The following DKK1 variants were observed in gnomAD, a reference collection of about 807,000 sequenced individuals.
DKK1 encodes the protein dickkopf Wnt signaling pathway inhibitor 1.
In DKK1, 18 loss-of-function variants were observed where a neutral mutation model predicts 26.0. The ratio of observed to expected loss-of-function variants is 0.69; its 90% CI spans 0.48 to 1.03. The LOEUF (loss-of-function observed/expected upper bound fraction) is 1.03, where lower values mean the gene tolerates loss of function less well. Among genes scored for constraint, DKK1 ranks in the 50% least tolerant of loss-of-function variants. The pLI is 0.00. For synonymous variants in DKK1, 130 were observed against 132.6 expected, an observed-to-expected ratio of 0.98 and a Z score of 0.13; for missense variants, 335 against 348.5, an observed-to-expected ratio of 0.96 and a Z score of 0.31.
chr10:52,314,976 T>C lies in DKK1; in HGVS notation c.297T>C (p.Ser99=). 1 of 1,602,042 alleles carries C rather than the reference T, an allele frequency of 6.2e-7. No homozygotes were observed. Among genetic ancestry groups the C allele is most frequent in the Non-Finnish European group, 8.5e-7 (1 of 1,171,954 alleles). The part of the protein sequence containing the change: ...EECGTDEYCA[S]PTRGGDAGVQ... ...GCGGCACTGATGAGTACTGCGCTAG[T>C]CCCACCCGCGGAGGGGACGCAGGCG... Residue 99 remains serine, a synonymous_variant, in exon 2 of 4, where the codon AGT becomes AGC. Coordinates refer to ENST00000373970, the MANE Select transcript of DKK1 (RefSeq NM_012242.4). This position sits in a 1 kb window ranked among gnomAD's most constrained non-coding sequence, Gnocchi z 5.7.
chr10:52,314,375 C>T lies in DKK1; in HGVS notation c.-60C>T. 6.2e-7 allele frequency: 1 copy of T among 1,600,430 alleles called. No homozygotes were observed. ...CCGAACCGGCACGGTTTCGTGGGGA[C>T]CCAGGCTTGCAAAGTGACGGTCATT... On this transcript the variant is annotated 5_prime_UTR_variant, in exon 1 of 4. Transcript: ENST00000373970. This position sits in a 1 kb window ranked among gnomAD's most constrained non-coding sequence, Gnocchi z 5.7.
intron 2 of DKK1, among the ~76,000 whole-genome samples, chr10:52,315,706 T>G (rs1156652866): frequency 1.3e-5 from 2 of 152,142 alleles, no homozygotes; most frequent in East Asian, 3.9e-4. Context: ...TCCACTAACT[T>G]TTAATTTTTC....
chr10:52,315,202 T>A, intron 2 of DKK1, 117 bp downstream of exon 2: 1 of 951,960 alleles, frequency 1.1e-6, no homozygotes, highest in Non-Finnish European at 1.4e-6. Flanking sequence ...CTGAGAACAC[T>A]GCGGCGCCAC....
Position 52,314,642 on chromosome 10 carries a change from G to A in DKK1, c.208G>A (p.Gly70Ser). ...VSAAPGILYP[G>S]GNKYQTIDNY... ...CGCCGCGCCGGGAATCCTGTACCCG[G>A]GCGGGAATAAGTACCAGACCATTGA... Residue 70 changes from glycine (G) to serine (S), a missense_variant, in exon 1 of 4, where the codon GGC becomes AGC. Physicochemically the swap from Gly to Ser is moderately conservative, Grantham distance 56 (BLOSUM62 0). Coordinates refer to ENST00000373970, the MANE Select transcript of DKK1 (RefSeq NM_012242.4). The surrounding 1 kb of genome is among the most constrained non-coding windows in gnomAD (Gnocchi z 5.7). 6.2e-7 allele frequency: 1 copy of A among 1,613,266 alleles called. No individual in the cohort carries two copies. The highest frequency in any genetic ancestry group is 1.1e-5 in the South Asian group (1 of 91,050).
At chr10:52,316,063 T>C (rs550071698) in intron 2 of DKK1, among the ~76,000 whole-genome samples, 1 of 152,354 alleles carries the variant, frequency 6.6e-6, no homozygotes, top group African/African-American at 2.4e-5. Flanking sequence ...TTTAAATGGC[T>C]ATACTGGGGA....
In DKK1 at chr10:52,316,950, A is replaced by G. The variant is rs1842623571; in HGVS notation, c.*143A>G. 26 of 890,742 alleles carry G rather than the reference A, an allele frequency of 2.9e-5. No homozygotes were observed. The South Asian group carries it at 4.0e-4, about 14-fold the overall frequency. 55.2% of individuals were successfully genotyped at this position (890,742 alleles called of 1,614,324 possible). A position where few individuals can be genotyped will look rare whatever the true frequency, so the allele number is the denominator to read the frequency against. ...CCAATAACACCTTCCAAAAACCTGG[A>G]GTGTAAGAGCTTTGTTTCTTTATGG... On this transcript the variant is annotated 3_prime_UTR_variant, in exon 4 of 4. Transcript: ENST00000373970.
rs1035038836 is a variant in DKK1 at position 52,316,904 on chromosome 10, C to T, written c.*97C>T. 11 of 1,423,338 alleles carry T rather than the reference C, an allele frequency of 7.7e-6. No homozygotes were observed. The highest frequency in any genetic ancestry group is 7.2e-5 in the African/African-American group (5 of 69,358). 88.2% of individuals were successfully genotyped at this position (1,423,338 alleles called of 1,614,324 possible). On this transcript the variant is annotated 3_prime_UTR_variant, in exon 4 of 4. Coordinates refer to ENST00000373970, the MANE Select transcript of DKK1 (RefSeq NM_012242.4). ...ACTCAATCCTAAGGATATACAAGTTCTGTGGTTTCAGTTAAGCATTCCAAT... is the reference window on the plus strand; with the variant it reads ...ACTCAATCCTAAGGATATACAAGTTTTGTGGTTTCAGTTAAGCATTCCAAT...
intron 2 of DKK1, 120 bp downstream of exon 2, chr10:52,315,205 G>T (rs1842605414): frequency 1.1e-6 from 1 of 931,756 alleles, no homozygotes; most frequent in Non-Finnish European, 1.5e-6. Flanking sequence ...AGAACACTGC[G>T]GCGCCACCTG....
Position 52,314,739 on chromosome 10 carries a change from G to T in DKK1, c.243+62G>T. 1 of 1,586,378 alleles carries T rather than the reference G, an allele frequency of 6.3e-7. No individual in the cohort carries two copies. Among genetic ancestry groups the T allele is most frequent in the South Asian group, 1.2e-5 (1 of 86,750 alleles). On this transcript the variant is annotated intron_variant, in intron 1 of 3. Transcript: ENST00000373970. The surrounding 1 kb of genome is among the most constrained non-coding windows in gnomAD (Gnocchi z 5.7). The stretch of plus-strand genomic sequence containing the variant: ...TTGAAAGGGTCCTATCTGGAGACGA[G>T]GGAGTAGAACGTGCTGAATGTGTGC...
rs116111098 is a variant in DKK1, at chr10:52,316,551, T to C, written c.548-3T>C. 5.0e-3 allele frequency: 7,998 copies of C among 1,613,770 alleles called. 199 individuals carry two copies. In the South Asian group the frequency reaches 0.05, roughly 10 times the overall value. The stretch of plus-strand genomic sequence containing the variant: ...TTTTTTCCTACTGTCTTCTCCTTCG[T>C]AGGACAAGAAGGTTCTGTTTGTCTC... On this transcript the variant is annotated splice_polypyrimidine_tract_variant and splice_region_variant and intron_variant, in intron 3 of 3. Transcript: ENST00000373970.
chr10:52,315,306 G>A (rs1221925037), intron 2 of DKK1: 8 of 421,142 alleles, frequency 1.9e-5, no homozygotes, highest in Non-Finnish European at 2.9e-5. Context: ...AGGTCTCTGA[G>A]GTCCTTATCT....
Position 52,316,678 on chromosome 10 carries a change from G to A in DKK1, c.672G>A (p.Arg224=), listed in dbSNP as rs200588937. 2.7e-5 allele frequency: 43 copies of A among 1,614,122 alleles called. 1 individual carries two copies. In the Admixed American group the frequency reaches 2.7e-4, roughly 10 times the overall value. ...AAGGTCAAGTGTGTACCAAGCATAG[G>A]AGAAAAGGCTCTCATGGACTAGAAA... ...LKEGQVCTKH[R]RKGSHGLEIF... Residue 224 remains arginine (R), a synonymous_variant, in exon 4 of 4, where the codon AGG becomes AGA. Transcript: ENST00000373970.
chr10:52,314,753 C>T lies in DKK1; in HGVS notation c.243+76C>T, dbSNP rs1161157247. On this transcript the variant is annotated intron_variant, in intron 1 of 3. Coordinates refer to ENST00000373970, the MANE Select transcript of DKK1 (RefSeq NM_012242.4). This position sits in a 1 kb window ranked among gnomAD's most constrained non-coding sequence, Gnocchi z 5.7. Reference sequence around the variant, plus strand: ...TCTGGAGACGAGGGAGTAGAACGTGCTGAATGTGTGCGGTTCAGGGAGCAT... The same window carrying T: ...TCTGGAGACGAGGGAGTAGAACGTGTTGAATGTGTGCGGTTCAGGGAGCAT... 16 of 1,572,362 alleles carry T rather than the reference C, an allele frequency of 1.0e-5. No individual in the cohort carries two copies. In the South Asian group the frequency reaches 1.8e-4, roughly 18 times the overall value.
rs200238542 is a variant in DKK1, at chr10:52,316,577, C to T, written c.571C>T (p.Arg191Trp). The T allele has an allele frequency of 2.4e-5, 38 of 1,613,898 alleles. No individual in the cohort carries two copies. The highest frequency in any genetic ancestry group is 4.4e-5 in the South Asian group (4 of 91,074). ...AGGACAAGAAGGTTCTGTTTGTCTCCGGTCATCAGACTGTGCCTCAGGATT... is the reference window on the plus strand; with the variant it reads ...AGGACAAGAAGGTTCTGTTTGTCTCTGGTCATCAGACTGTGCCTCAGGATT... ...TKGQEGSVCL[R>W]SSDCASGLCC... The change falls in exon 4 of 4, where the codon CGG becomes TGG. Residue 191 changes from arginine to tryptophan, a missense_variant. Arg to Trp is a moderately radical substitution (Grantham distance 101). Coordinates refer to ENST00000373970, the MANE Select transcript of DKK1 (RefSeq NM_012242.4).
rs772156603 is a variant in DKK1 at position 52,314,994 on chromosome 10, C to T, written c.315C>T (p.Asp105=). 6.2e-7 allele frequency: 1 copy of T among 1,604,242 alleles called. No homozygotes were observed. ...GCGCTAGTCCCACCCGCGGAGGGGA[C>T]GCAGGCGTGCAAATCTGTCTCGCCT... ...EYCASPTRGG[D]AGVQICLACR... is the part of the protein sequence containing the mutation. The change falls in exon 2 of 4, where the codon GAC becomes GAT. Residue 105 remains aspartate, a synonymous_variant. Coordinates refer to ENST00000373970, the MANE Select transcript of DKK1 (RefSeq NM_012242.4). This position sits in a 1 kb window ranked among gnomAD's most constrained non-coding sequence, Gnocchi z 5.7.
rs1444045328 is a variant in DKK1 at position 52,314,306 on chromosome 10, A to G, written c.-129A>G. ...GCAGAGCTCTGTGCTCCCTGCAGTC[A>G]GGACTCTGGGACCGCAGGGGGCTCC... On this transcript the variant is annotated 5_prime_UTR_variant, in exon 1 of 4. Coordinates refer to ENST00000373970, the MANE Select transcript of DKK1 (RefSeq NM_012242.4). The surrounding 1 kb of genome is among the most constrained non-coding windows in gnomAD (Gnocchi z 5.7). 7.2e-7 allele frequency: 1 copy of G among 1,393,184 alleles called. No homozygotes were observed. The allele number at this position is 1,393,184 out of a possible 1,614,324, so 86.3% of individuals were successfully genotyped here. A position where few individuals can be genotyped will look rare whatever the true frequency, so the allele number is the denominator to read the frequency against.
rs1842615919 is a variant in DKK1 at position 52,316,224 on chromosome 10, T to G, written c.407-71T>G. ...TCAAGTTGATGCTGGCATAACAGACTGCCACTGTCACAGCTGTTAGCAGTA... is the reference window on the plus strand; with the variant it reads ...TCAAGTTGATGCTGGCATAACAGACGGCCACTGTCACAGCTGTTAGCAGTA... On this transcript the variant is annotated intron_variant, in intron 2 of 3. Coordinates refer to ENST00000373970, the MANE Select transcript of DKK1 (RefSeq NM_012242.4). 1.1e-5 allele frequency: 17 copies of G among 1,559,614 alleles called. No individual in the cohort carries two copies. In the South Asian group the frequency reaches 1.9e-4, roughly 18 times the overall value.
intron 2 of DKK1, 37 bp from the exon 3 acceptor site, chr10:52,316,258 C>CA (rs1186385131): frequency 6.2e-7 from 1 of 1,610,436 alleles, no homozygotes; most frequent in Admixed American, 1.7e-5. Flanking sequence ...TAATGCATTA[C>CA]AACCCTGAAG....
chr10:52,314,719 A>C lies in DKK1; in HGVS notation c.243+42A>C, dbSNP rs774486081. 23 of 1,603,858 alleles carry C rather than the reference A, an allele frequency of 1.4e-5. No individual in the cohort carries two copies. The highest frequency in any genetic ancestry group is 1.6e-5 in the Non-Finnish European group (19 of 1,174,382). The stretch of plus-strand genomic sequence containing the variant: ...ACTCAGAGGATGCTCTGACCTTGAA[A>C]GGGTCCTATCTGGAGACGAGGGAGT... On this transcript the variant is annotated intron_variant, in intron 1 of 3. Transcript: ENST00000373970. This position sits in a 1 kb window ranked among gnomAD's most constrained non-coding sequence, Gnocchi z 5.7.
Sources: gnomAD v4.1 joint callset for allele counts (sites outside exome capture counted in the v4.1 genomes callset) on GRCh38, gnomAD v4.1.1 for gene constraint, Gnocchi (gnomAD v3.1) non-coding constraint, MANE v1.5 for transcripts, NCBI Gene and HGNC (gene_info 2026-07-23, HGNC 2026-07-21) for gene names.